Variants in ADAM9 observed in about 807,000 individuals in gnomAD.
The protein encoded by ADAM9 is ADAM metallopeptidase domain 9, also known as disintegrin and metalloproteinase domain-containing protein 9.
A neutral mutation model predicts 108.1 loss-of-function variants in ADAM9; 54 were observed. That is an observed-to-expected ratio of 0.50 (90% CI 0.40 to 0.63). The LOEUF (loss-of-function observed/expected upper bound fraction) is 0.63. Ranked by LOEUF, ADAM9 falls within the 20% of genes least tolerant of loss-of-function variation. The probability of loss-of-function intolerance (pLI) is 0.00; values close to 1 mark genes in which losing one functional copy is unlikely to be tolerated. For missense variants in ADAM9, 830 were observed against 997.7 expected, an observed-to-expected ratio of 0.83 and a Z score of 2.26; for synonymous variants, 316 against 336.0, an observed-to-expected ratio of 0.94 and a Z score of 0.65.
intron 13 of ADAM9, 141 bp from the exon 14 acceptor site, chr8:39,055,436 A>G (rs559913392): frequency 2.5e-6 from 2 of 800,086 alleles, no homozygotes; most frequent in East Asian, 2.6e-5. Context: ...GTTGTTAGCC[A>G]TTGTTCATTT....
In ADAM9 at chr8:39,017,486, C is replaced by G. The variant is rs970911001; in HGVS notation, c.606+72C>G. The G allele has an allele frequency of 6.9e-6, 10 of 1,452,666 alleles. No homozygotes were observed. The African/African-American group carries it at 1.4e-4, about 21-fold the overall frequency. 90.0% of individuals were successfully genotyped at this position (1,452,666 alleles called of 1,614,324 possible). On this transcript the variant is annotated intron_variant, in intron 6 of 21. Coordinates refer to ENST00000487273, the MANE Select transcript of ADAM9 (RefSeq NM_003816.3). ...AAAATCATGTATTTATTCATGAAATCAATACTATGAGTAGTGTTTTTTTTT... is the reference window on the plus strand; with the variant it reads ...AAAATCATGTATTTATTCATGAAATGAATACTATGAGTAGTGTTTTTTTTT...
chr8:39,007,510 C>T (rs1181203565), intron 1 of ADAM9, among the ~76,000 whole-genome samples: 1 of 152,152 alleles, frequency 6.6e-6, no homozygotes, highest in African/African-American at 2.4e-5. Context: ...TCTAGGATGC[C>T]TTTCCCCCAT....
At chr8:39,010,420 G>A (rs1473949955) in intron 2 of ADAM9, among the ~76,000 whole-genome samples, 2 of 152,166 alleles carry the variant, frequency 1.3e-5, no homozygotes, top group African/African-American at 4.8e-5. Context: ...AGGATCCATA[G>A]GTTGGTCTAG....
At chr8:39,071,535 C>T (rs568847156) in intron 15 of ADAM9, 132 bp downstream of exon 15, 37 of 755,908 alleles carry the variant, frequency 4.9e-5, no homozygotes, top group Middle Eastern at 3.6e-4. Flanking sequence ...GGCGCGATCT[C>T]GGCTCGCTGC....
At chr8:39,024,463 T>G (rs905300311) in intron 9 of ADAM9, among the ~76,000 whole-genome samples, 2 of 152,200 alleles carry the variant, frequency 1.3e-5, no homozygotes, top group Non-Finnish European at 2.9e-5. Flanking sequence ...TTTAGTTGTT[T>G]GTTTACAGTT....
chr8:39,023,553 T>C (rs1836817231), intron 9 of ADAM9, among the ~76,000 whole-genome samples: 1 of 152,008 alleles, frequency 6.6e-6, no homozygotes, highest in Non-Finnish European at 1.5e-5. Flanking sequence ...TTGGGTATAG[T>C]GTGCTTTGTA....
intron 12 of ADAM9, among the ~76,000 whole-genome samples, chr8:39,045,028 G>GCACA (rs1837594472): frequency 1.6e-5 from 2 of 125,610 alleles, no homozygotes; most frequent in African/African-American, 7.0e-5. Context: ...ATGTGTGTGT[G>GCACA]CATACATACA....
chr8:39,051,309 C>T (rs1040686043), intron 12 of ADAM9, among the ~76,000 whole-genome samples: 10 of 152,206 alleles, frequency 6.6e-5, no homozygotes, highest in African/African-American at 2.2e-4. Flanking sequence ...GGGATTGCGG[C>T]GAGAAAGGAT....
intron 12 of ADAM9, among the ~76,000 whole-genome samples, chr8:39,052,760 GC>G (rs1837998938): frequency 6.6e-6 from 1 of 152,038 alleles, no homozygotes; most frequent in African/African-American, 2.4e-5. Flanking sequence ...CTTTCATGAA[GC>G]CAACTGTCCT....
chr8:38,999,347 C>A (rs1835926542), intron 1 of ADAM9, among the ~76,000 whole-genome samples: 2 of 146,438 alleles, frequency 1.4e-5, no homozygotes, highest in Admixed American at 6.8e-5. Flanking sequence ...TTTTTTTAAA[C>A]TGACAAAGGT....
At chr8:39,004,922 C>G (rs1003652220) in intron 1 of ADAM9, among the ~76,000 whole-genome samples, 1 of 152,302 alleles carries the variant, frequency 6.6e-6, no homozygotes, top group East Asian at 1.9e-4. Context: ...TTACCGCAAA[C>G]TGTTTTATCA....
intron 12 of ADAM9, among the ~76,000 whole-genome samples, chr8:39,042,468 G>A (rs950418600): frequency 5.3e-5 from 8 of 151,966 alleles, no homozygotes; most frequent in Admixed American, 5.2e-4. Context: ...GCCATTGCAG[G>A]AATATTTATT....
At chr8:39,007,259 C>T (rs1271436995) in intron 1 of ADAM9, among the ~76,000 whole-genome samples, 2 of 152,172 alleles carry the variant, frequency 1.3e-5, no homozygotes, top group African/African-American at 4.8e-5. Flanking sequence ...ACTCTTTCTC[C>T]TACCCTGGCC....
At chr8:39,062,443 A>G (rs1192419349) in intron 14 of ADAM9, among the ~76,000 whole-genome samples, 2 of 152,192 alleles carry the variant, frequency 1.3e-5, no homozygotes, top group Non-Finnish European at 2.9e-5. Flanking sequence ...GGTACAGGTC[A>G]AGTAAGACTA....
chr8:39,026,957 G>GTAT, intron 11 of ADAM9, 147 bp downstream of exon 11: 1 of 820,422 alleles, frequency 1.2e-6, no homozygotes, highest in Non-Finnish European at 1.8e-6. Context: ...CCAATGAGAA[G>GTAT]TCTTTTTTTT....
In ADAM9 at chr8:39,041,943, T is replaced by A. The variant is rs1837467251; in HGVS notation, c.1131-3T>A. The A allele has an allele frequency of 6.2e-7, 1 of 1,613,674 alleles. No homozygotes were observed. Among genetic ancestry groups the A allele is most frequent in the African/African-American group, 1.3e-5 (1 of 75,040 alleles). ...TAGATCTTTTTCTTAATGTTTATTA[T>A]AGGGGTTCCAGAAACTTTAGCAGTT... is the stretch of plus-strand genomic sequence containing the variant. On this transcript the variant is annotated splice_polypyrimidine_tract_variant and splice_region_variant and intron_variant, in intron 11 of 21. Coordinates refer to ENST00000487273, the MANE Select transcript of ADAM9 (RefSeq NM_003816.3).
chr8:39,016,311 A>G (rs1055559090), intron 5 of ADAM9, 117 bp downstream of exon 5: 3 of 862,534 alleles, frequency 3.5e-6, no homozygotes, highest in Non-Finnish European at 5.9e-6. Context: ...ATTTACTTTG[A>G]TGTTACTGAA....
chr8:39,019,020 C>T, intron 7 of ADAM9, 102 bp downstream of exon 7: 1 of 1,147,152 alleles, frequency 8.7e-7, no homozygotes, highest in Non-Finnish European at 1.3e-6. Flanking sequence ...ATTGATTTTA[C>T]TTAAATAATG....
At chr8:39,077,913 A>G (rs989554780) in intron 16 of ADAM9, among the ~76,000 whole-genome samples, 3 of 152,190 alleles carry the variant, frequency 2.0e-5, no homozygotes, top group African/African-American at 7.2e-5. Flanking sequence ...AAGGAGGGTA[A>G]TTAAGAGTGC....
Sources: gnomAD v4.1 joint callset for allele counts (sites outside exome capture counted in the v4.1 genomes callset) on GRCh38, gnomAD v4.1.1 for gene constraint, MANE v1.5 for transcripts, NCBI Gene and HGNC (gene_info 2026-07-23, HGNC 2026-07-21) for gene names.